Variants in MELK observed in about 807,000 individuals in gnomAD.
The protein encoded by MELK is pEg3 kinase.
A neutral mutation model predicts 85.0 loss-of-function variants in MELK; 81 were observed. The observed-to-expected ratio is 0.95, with a 90% confidence interval of 0.80 to 1.15. The LOEUF (loss-of-function observed/expected upper bound fraction) is 1.15. MELK is among the 50% of genes most tolerant of loss of function. The probability of loss-of-function intolerance (pLI) is 0.00; values close to 1 mark genes in which losing one functional copy is unlikely to be tolerated. For missense variants in MELK, 754 were observed against 777.5 expected, an observed-to-expected ratio of 0.97 and a Z score of 0.36; for synonymous variants, 252 against 265.0, an observed-to-expected ratio of 0.95 and a Z score of 0.48.
intron 8 of MELK, among the ~76,000 whole-genome samples, chr9:36,622,302 G>C (rs1420090050): frequency 2.6e-5 from 4 of 152,110 alleles, no homozygotes; most frequent in African/African-American, 9.7e-5. Flanking sequence ...ATCTAATTAA[G>C]GTGTCGTATC....
chr9:36,640,934 C>T (rs536830115), intron 10 of MELK, among the ~76,000 whole-genome samples: 1 of 152,208 alleles, frequency 6.6e-6, no homozygotes, highest in Non-Finnish European at 1.5e-5. Flanking sequence ...TTCTCTTGAG[C>T]TTGTTGTTAC....
chr9:36,599,678 T>C (rs926426957), intron 7 of MELK, among the ~76,000 whole-genome samples, 192 bp downstream of exon 7: 2 of 152,218 alleles, frequency 1.3e-5, no homozygotes, highest in African/African-American at 4.8e-5. Context: ...ATAAATATAG[T>C]AACATATACT....
At chr9:36,662,298 A>G (rs2137705894) in intron 13 of MELK, among the ~76,000 whole-genome samples, 1 of 150,074 alleles carries the variant, frequency 6.7e-6, no homozygotes, top group East Asian at 2.0e-4. Context: ...GCTTGAGTGC[A>G]ATGGCGTGAT....
intron 12 of MELK, among the ~76,000 whole-genome samples, chr9:36,653,794 AC>A (rs1830950419): frequency 6.6e-6 from 1 of 152,038 alleles, no homozygotes; most frequent in Non-Finnish European, 1.5e-5. Flanking sequence ...TAAAAAAAAA[AC>A]AAAAAATGTT....
At chr9:36,593,470 C>T (rs1206339159) in intron 4 of MELK, among the ~76,000 whole-genome samples, 1 of 152,148 alleles carries the variant, frequency 6.6e-6, no homozygotes, top group Non-Finnish European at 1.5e-5. Context: ...AACAGAACCT[C>T]ACTAGACACT....
At chr9:36,670,808 G>A (rs995441626) in intron 15 of MELK, among the ~76,000 whole-genome samples, 190 bp from the exon 16 acceptor site, 36 of 149,790 alleles carry the variant, frequency 2.4e-4, no homozygotes, top group Non-Finnish European at 3.8e-4. Context: ...CAGTTGCCTG[G>A]TAGAAGTGTG....
Position 36,657,691 on chromosome 9 carries a change from A to G in MELK, c.1176+328A>G, listed in dbSNP as rs1233472948. ...CTGCAACCTCTGCCTCCCAGGTTCA[A>G]GTGATTCTCATGCCTCCTGAGTAGC... On this transcript the variant is annotated intron_variant, in intron 13 of 17. Transcript: ENST00000298048. Among the ~76,000 whole-genome samples the G allele has an allele frequency of 3.3e-5, 5 of 152,120 alleles. No homozygotes were observed. The East Asian group carries it at 9.7e-4, about 29-fold the overall frequency.
At chr9:36,647,529 G>T (rs1023022006) in intron 11 of MELK, among the ~76,000 whole-genome samples, 2 of 144,810 alleles carry the variant, frequency 1.4e-5, no homozygotes, top group African/African-American at 2.6e-5. Context: ...TCCCTCTGTC[G>T]CCAGGCTGCA....
At chr9:36,576,591 G>A (rs914581518) in intron 1 of MELK, among the ~76,000 whole-genome samples, 4 of 152,126 alleles carry the variant, frequency 2.6e-5, no homozygotes, top group African/African-American at 4.8e-5. Context: ...GAGTGCAGTG[G>A]CGTGATCGCG....
chr9:36,661,357 T>C (rs1367799528), intron 13 of MELK, among the ~76,000 whole-genome samples: 2 of 152,220 alleles, frequency 1.3e-5, no homozygotes, highest in Non-Finnish European at 2.9e-5. Context: ...GATTTGAAGG[T>C]ATAGATTTCA....
chr9:36,644,121 C>T (rs1830013952), intron 11 of MELK, among the ~76,000 whole-genome samples: 1 of 151,930 alleles, frequency 6.6e-6, no homozygotes, highest in South Asian at 2.1e-4. Context: ...AGTGGACAAA[C>T]CAAATACCAT....
intron 11 of MELK, among the ~76,000 whole-genome samples, chr9:36,647,092 T>C (rs1587553151): frequency 6.6e-6 from 1 of 152,212 alleles, no homozygotes; most frequent in East Asian, 1.9e-4. Context: ...ATGAGAAGTA[T>C]ACAGTGACAC....
intron 8 of MELK, among the ~76,000 whole-genome samples, chr9:36,621,275 G>GAGAAAAAAAAAAA: frequency 3.1e-5 from 1 of 32,446 alleles, no homozygotes; most frequent in East Asian, 1.2e-3. Context: ...CTGTCTCAGG[G>GAGAAAAAAAAAAA]AAAAAAAAAA....
intron 14 of MELK, among the ~76,000 whole-genome samples, chr9:36,667,838 C>G (rs4576507): frequency 0.9 from 137,310 of 152,140 alleles, 62,012 homozygotes; most frequent in Admixed American, 0.92. Flanking sequence ...CATGATCTTG[C>G]CTCACTGCAA....
chr9:36,674,278 C>G (rs1370941519), intron 16 of MELK, among the ~76,000 whole-genome samples: 1 of 152,154 alleles, frequency 6.6e-6, no homozygotes, highest in Non-Finnish European at 1.5e-5. Context: ...ATTAGGCTCT[C>G]AGTCAATGAG....
rs145894193 is a variant in MELK at position 36,592,131 on chromosome 9, C to T, written c.261+2479C>T. Among the ~76,000 whole-genome samples, 37 of 151,012 alleles carry T rather than the reference C, an allele frequency of 2.5e-4. No homozygotes were observed. In the East Asian group the frequency reaches 4.5e-3, roughly 18 times the overall value. ...CCTCCCAAAATGTTGGGATTACAGGCGTGAGCAACTATGCCCCACCCTAGT... is the reference window on the plus strand; with the variant it reads ...CCTCCCAAAATGTTGGGATTACAGGTGTGAGCAACTATGCCCCACCCTAGT... On this transcript the variant is annotated intron_variant, in intron 4 of 17. Transcript: ENST00000298048.
intron 11 of MELK, among the ~76,000 whole-genome samples, chr9:36,649,533 AGGC>A (rs1192682208): frequency 2.6e-5 from 4 of 151,910 alleles, no homozygotes; most frequent in Non-Finnish European, 2.9e-5. Flanking sequence ...TGGGAGGCTG[AGGC>A]GGCAGGTGGA....
At chr9:36,628,863 C>CTTTTTTT (rs869033969) in intron 8 of MELK, among the ~76,000 whole-genome samples, 6 of 127,892 alleles carry the variant, frequency 4.7e-5, no homozygotes, top group East Asian at 4.4e-4. Flanking sequence ...TTTGTATTTT[C>CTTTTTTT]TTTTTTTTTT....
intron 2 of MELK, among the ~76,000 whole-genome samples, 177 bp from the exon 3 acceptor site, chr9:36,583,450 T>C (rs1024277939): frequency 6.9e-6 from 1 of 145,410 alleles, no homozygotes; most frequent in Non-Finnish European, 1.5e-5. Context: ...TACACTATCA[T>C]GGTTAAAAAA....
Sources: gnomAD v4.1 joint callset for allele counts (sites outside exome capture counted in the v4.1 genomes callset) on GRCh38, gnomAD v4.1.1 for gene constraint, MANE v1.5 for transcripts, NCBI Gene and HGNC (gene_info 2026-07-23, HGNC 2026-07-21) for gene names.